Variants in CCSER1 observed in about 807,000 individuals in gnomAD.
CCSER1 encodes serine-rich coiled-coil domain-containing protein 1.
In CCSER1, 41 loss-of-function variants were observed where a neutral mutation model predicts 82.0. That is an observed-to-expected ratio of 0.50 (90% CI 0.39 to 0.65). CCSER1 has a LOEUF of 0.65. Ranked by LOEUF, CCSER1 falls within the 30% of genes least tolerant of loss-of-function variation. The pLI is 0.00. For missense variants in CCSER1, 1,119 were observed against 1,064.2 expected (o/e 1.05, Z -0.72); for synonymous variants, 414 against 383.9 (o/e 1.08, Z -0.92).
chr4:91,100,497 CAAT>C (rs1429704872), intron 10 of CCSER1, among the ~76,000 whole-genome samples: 2 of 152,108 alleles, frequency 1.3e-5, no homozygotes, highest in Admixed American at 1.3e-4. Context: ...CCATGACAAT[CAAT>C]GATATCCTAT....
At chr4:91,480,508 A>G (rs950354525) in intron 10 of CCSER1, among the ~76,000 whole-genome samples, 2 of 152,148 alleles carry the variant, frequency 1.3e-5, no homozygotes, top group Non-Finnish European at 2.9e-5. Context: ...TACTTGCTCC[A>G]GTATGGCAAA....
At chr4:91,490,422 G>C (rs1439344731) in intron 10 of CCSER1, among the ~76,000 whole-genome samples, 4 of 152,062 alleles carry the variant, frequency 2.6e-5, no homozygotes, top group Non-Finnish European at 4.4e-5. Flanking sequence ...AAAGAAGAAA[G>C]AGATCCTGTC....
chr4:90,682,545 T>C (rs79505136), intron 6 of CCSER1, among the ~76,000 whole-genome samples: 2,642 of 152,060 alleles, frequency 0.017, 41 homozygotes, highest in South Asian at 0.022. Flanking sequence ...AAAGTTTACT[T>C]ACCTTTTATT....
At chr4:90,519,301 T>C (rs886477091) in intron 5 of CCSER1, among the ~76,000 whole-genome samples, 1 of 151,962 alleles carries the variant, frequency 6.6e-6, no homozygotes, top group Non-Finnish European at 1.5e-5. Flanking sequence ...AGAAATAATA[T>C]AAGTAAATAA....
chr4:91,095,428 T>C (rs1323282339), intron 10 of CCSER1, among the ~76,000 whole-genome samples: 1 of 152,132 alleles, frequency 6.6e-6, no homozygotes, highest in Non-Finnish European at 1.5e-5. Flanking sequence ...AGCAAATCAG[T>C]GTTCTGCCTG....
chr4:91,017,172 G>T (rs1739503348), intron 9 of CCSER1: 1 of 152,158 alleles, frequency 6.6e-6, no homozygotes, highest in Non-Finnish European at 1.5e-5. Context: ...AACGAAGTAA[G>T]ATCAGCTCTG....
chr4:90,488,147 G>A lies in CCSER1; in HGVS notation c.1724+19793G>A, dbSNP rs187137066. On this transcript the variant is annotated intron_variant, in intron 5 of 10. Coordinates refer to ENST00000509176, the MANE Select transcript of CCSER1 (RefSeq NM_001145065.2). Reference sequence around the variant, plus strand: ...TTTAAAATGAGTGTCTGGACTACATGATTGTTTAAGTCCTCTCTATTTTTA... The same window carrying A: ...TTTAAAATGAGTGTCTGGACTACATAATTGTTTAAGTCCTCTCTATTTTTA... Among the ~76,000 whole-genome samples, 523 of 152,212 alleles carry A rather than the reference G, an allele frequency of 3.4e-3. 2 individuals carry two copies. The highest frequency in any genetic ancestry group is 0.012 in the African/African-American group (505 of 41,556).
At chr4:90,917,300 T>C (rs1727617274) in intron 8 of CCSER1, among the ~76,000 whole-genome samples, 1 of 152,024 alleles carries the variant, frequency 6.6e-6, no homozygotes, top group Admixed American at 6.6e-5. Flanking sequence ...ATTAAGAAAA[T>C]GTGGCACATA....
intron 3 of CCSER1, among the ~76,000 whole-genome samples, chr4:90,347,604 T>C (rs1268476928): frequency 1.3e-5 from 2 of 152,066 alleles, no homozygotes; most frequent in Admixed American, 6.6e-5. Context: ...ATGCTGAATA[T>C]GTCCCCTACA....
chr4:91,275,799 G>C (rs1315585484), intron 10 of CCSER1, among the ~76,000 whole-genome samples: 1 of 152,104 alleles, frequency 6.6e-6, no homozygotes, highest in African/African-American at 2.4e-5. Context: ...TCAGCTTTTA[G>C]ATTTAAGTCT....
At chr4:90,936,141 G>C (rs539747649) in intron 9 of CCSER1, among the ~76,000 whole-genome samples, 72 of 138,624 alleles carry the variant, frequency 5.2e-4, no homozygotes, top group African/African-American at 1.7e-3. Context: ...AAATAACTTG[G>C]AAAATTTTGT....
intron 6 of CCSER1, among the ~76,000 whole-genome samples, chr4:90,699,520 G>A (rs1325599699): frequency 1.3e-5 from 2 of 152,162 alleles, no homozygotes; most frequent in African/African-American, 4.8e-5. Context: ...AAGGTCCATG[G>A]CAGCTATATT....
At chr4:90,556,784 C>T (rs944357110) in intron 5 of CCSER1, among the ~76,000 whole-genome samples, 1 of 151,084 alleles carries the variant, frequency 6.6e-6, no homozygotes, top group African/African-American at 2.4e-5. Context: ...TCAGGGGTGG[C>T]AGAGACATAT....
chr4:91,507,971 T>A (rs891666530), intron 10 of CCSER1, among the ~76,000 whole-genome samples: 8 of 146,074 alleles, frequency 5.5e-5, no homozygotes, highest in Admixed American at 2.8e-4. Flanking sequence ...AATAAGCTCT[T>A]CATCAATTTC....
At chr4:91,496,340 A>G (rs951197818) in intron 10 of CCSER1, among the ~76,000 whole-genome samples, 1 of 150,984 alleles carries the variant, frequency 6.6e-6, no homozygotes, top group Non-Finnish European at 1.5e-5. Context: ...AAACAAACAC[A>G]TCTTGCAATT....
intron 10 of CCSER1, among the ~76,000 whole-genome samples, chr4:91,350,660 G>A (rs948203126): frequency 4.6e-5 from 7 of 152,050 alleles, no homozygotes; most frequent in African/African-American, 1.7e-4. Context: ...TTTGACTGCA[G>A]AACGTTGATA....
intron 10 of CCSER1, among the ~76,000 whole-genome samples, chr4:91,324,483 C>A (rs1006209495): frequency 8.4e-4 from 127 of 152,024 alleles, no homozygotes; most frequent in African/African-American, 3.0e-3. Flanking sequence ...ATTTAAATTT[C>A]TAAAGAAGTT....
At chr4:91,008,838 C>G (rs2150496437) in intron 9 of CCSER1, among the ~76,000 whole-genome samples, 1 of 152,320 alleles carries the variant, frequency 6.6e-6, no homozygotes, top group Admixed American at 6.5e-5. Context: ...CTCGTGTTCT[C>G]TGACCTGGGG....
intron 4 of CCSER1, among the ~76,000 whole-genome samples, chr4:90,401,332 A>G (rs1275762102): frequency 6.6e-6 from 1 of 152,234 alleles, no homozygotes; most frequent in Non-Finnish European, 1.5e-5. Flanking sequence ...ATCTAATTCT[A>G]TGATACTGGC....
Sources: gnomAD v4.1 joint callset for allele counts (sites outside exome capture counted in the v4.1 genomes callset) on GRCh38, gnomAD v4.1.1 for gene constraint, MANE v1.5 for transcripts, NCBI Gene and HGNC (gene_info 2026-07-23, HGNC 2026-07-21) for gene names.